Variants in SLC30A2 observed in about 807,000 individuals in gnomAD.
SLC30A2 encodes the protein solute carrier family 30 member 2.
Under a neutral mutation model 39.6 loss-of-function variants are expected in SLC30A2, and 19 were observed. The observed-to-expected ratio is 0.48, with a 90% CI of 0.34 to 0.70. The LOEUF (loss-of-function observed/expected upper bound fraction) is 0.70. Ranked by LOEUF, SLC30A2 falls within the 30% of genes least tolerant of loss-of-function variation. SLC30A2 has a pLI of 0.01. For missense variants in SLC30A2, 387 were observed against 479.4 expected, an observed-to-expected ratio of 0.81 and a Z score of 1.80; for synonymous variants, 195 against 194.8, an observed-to-expected ratio of 1.00 and a Z score of -0.01.
intron 2 of SLC30A2, among the ~76,000 whole-genome samples, chr1:26,044,791 T>C (rs2050440196): frequency 6.6e-6 from 1 of 152,272 alleles, no homozygotes; most frequent in South Asian, 2.1e-4. Context: ...CACCTGAACA[T>C]GCCTCAGTTT....
In SLC30A2 at chr1:26,045,988, C is replaced by T. The variant is rs576630477; in HGVS notation, c.-92G>A. 6.6e-4 allele frequency: 1,017 copies of T among 1,551,376 alleles called. 1 individual carries two copies. The highest frequency in any genetic ancestry group is 1.9e-3 in the Middle Eastern group (8 of 4,292). On this transcript the variant is annotated 5_prime_UTR_variant, in exon 1 of 8. In the 5' UTR this introduces an upstream ATG that the reference lacks. Coordinates refer to ENST00000374276, the MANE Select transcript of SLC30A2 (RefSeq NM_001004434.3). Reference sequence around the variant, plus strand: ...CGGGACTCCGGGTGGCGCTCACCCACCTGCCCCGAGGGCCCCGCGAGGTGC... The same window carrying T: ...CGGGACTCCGGGTGGCGCTCACCCATCTGCCCCGAGGGCCCCGCGAGGTGC...
At chr1:26,045,793 G>A in intron 1 of SLC30A2, 54 bp downstream of exon 1, 4 of 1,613,098 alleles carry the variant, frequency 2.5e-6, no homozygotes, top group Non-Finnish European at 3.4e-6. Flanking sequence ...GGCAAATGCG[G>A]AGGTGCGTCG....
intron 2 of SLC30A2, among the ~76,000 whole-genome samples, chr1:26,044,693 T>C (rs2050439135): frequency 1.3e-5 from 2 of 152,212 alleles, no homozygotes; most frequent in African/African-American, 2.4e-5. Context: ...CTGGAAAACA[T>C]AGCAGATACT....
chr1:26,039,444 C>G lies in SLC30A2; in HGVS notation c.974-139G>C. On this transcript the variant is annotated intron_variant, in intron 7 of 7. Coordinates refer to ENST00000374276, the MANE Select transcript of SLC30A2 (RefSeq NM_001004434.3). This position sits in a 1 kb window ranked among gnomAD's most constrained non-coding sequence, Gnocchi z 4.3. ...ATGGAGAAGCCCCCAGATTCCATTC[C>G]TCTGCCAGGTAGCCTCCCAGCCCAG... 1 of 706,472 alleles carries G rather than the reference C, an allele frequency of 1.4e-6. No homozygotes were observed. Among genetic ancestry groups the G allele is most frequent in the South Asian group, 2.0e-5 (1 of 51,178 alleles). 43.8% of individuals were successfully genotyped at this position (706,472 alleles called of 1,614,324 possible).
chr1:26,043,306 G>C, intron 4 of SLC30A2, 92 bp downstream of exon 4: 1 of 1,342,464 alleles, frequency 7.4e-7, no homozygotes. Context: ...ATGCTGGAAA[G>C]TGGCACAGTC....
In SLC30A2 at chr1:26,039,993, C is replaced by A; in HGVS notation, c.839-82G>T. On this transcript the variant is annotated intron_variant, in intron 6 of 7. Coordinates refer to ENST00000374276, the MANE Select transcript of SLC30A2 (RefSeq NM_001004434.3). This position sits in a 1 kb window ranked among gnomAD's most constrained non-coding sequence, Gnocchi z 4.3. ...ATTGGTGCAGGGCTGGCTCCTGATC[C>A]TCAGGTGTCATCCCCTCAAAGAAGA... is the stretch of plus-strand genomic sequence containing the variant. The A allele has an allele frequency of 1.3e-6, 2 of 1,516,682 alleles. No individual in the cohort carries two copies. Among genetic ancestry groups the A allele is most frequent in the Non-Finnish European group, 1.8e-6 (2 of 1,102,142 alleles). 94.0% of individuals were successfully genotyped at this position (1,516,682 alleles called of 1,614,324 possible).
At position 26,043,611 on chromosome 1, in the gene SLC30A2, C is replaced by A; in HGVS notation, c.419-60G>T. 2 of 1,544,504 alleles carry A rather than the reference C, an allele frequency of 1.3e-6. 1 individual carries two copies. The highest frequency in any genetic ancestry group is 2.4e-5 in the South Asian group (2 of 84,136). On this transcript the variant is annotated intron_variant, in intron 3 of 7. Coordinates refer to ENST00000374276, the MANE Select transcript of SLC30A2 (RefSeq NM_001004434.3). ...CATGGGCCTGGAGCTAAGGAGTCTTCCCCCTTCCTTCAGGATCCTCCCCAC... is the reference window on the plus strand; with the variant it reads ...CATGGGCCTGGAGCTAAGGAGTCTTACCCCTTCCTTCAGGATCCTCCCCAC...
Position 26,045,131 on chromosome 1 carries a change from G to A in SLC30A2, c.137C>T (p.Ala46Val). ...ATGGCAGTGATGGTTGCTCTGGGCA[G>A]CCAGCTCAATGGCCTGCAAGTCCAG... ...PGLDLQAIEL[A>V]AQSNHHCHAQ... Residue 46 changes from alanine to valine, a missense_variant, in exon 2 of 8, where the codon GCT (alanine) becomes GTT (valine). Ala to Val is a moderately conservative substitution (Grantham distance 64). Transcript: ENST00000374276. 6.2e-7 allele frequency: 1 copy of A among 1,614,028 alleles called. No homozygotes were observed. The highest frequency in any genetic ancestry group is 1.3e-5 in the African/African-American group (1 of 75,070).
At chr1:26,044,230 A>G in intron 3 of SLC30A2, 68 bp downstream of exon 3, 2 of 1,543,262 alleles carry the variant, frequency 1.3e-6, no homozygotes, top group South Asian at 2.3e-5. Flanking sequence ...CATTACAGCC[A>G]CCTAAGAACC....
At position 26,039,654 on chromosome 1, in the gene SLC30A2, G is replaced by A. The variant is rs564670826; in HGVS notation, c.973+123C>T. On this transcript the variant is annotated intron_variant, in intron 7 of 7. Transcript: ENST00000374276. The surrounding 1 kb of genome is among the most constrained non-coding windows in gnomAD (Gnocchi z 4.3). Reference sequence around the variant, plus strand: ...TGGAATAATGCGTATCAAGTACTCAGCATGAGGCTGGGCTTGATGCATGGG... The same window carrying A: ...TGGAATAATGCGTATCAAGTACTCAACATGAGGCTGGGCTTGATGCATGGG... 9.7e-6 allele frequency: 9 copies of A among 931,798 alleles called. No individual in the cohort carries two copies. The highest frequency in any genetic ancestry group is 1.7e-5 in the African/African-American group (1 of 60,288). 57.7% of individuals were successfully genotyped at this position (931,798 alleles called of 1,614,324 possible). A position where few individuals can be genotyped will look rare whatever the true frequency, so the allele number is the denominator to read the frequency against.
At position 26,045,078 on chromosome 1, in the gene SLC30A2, C is replaced by T. The variant is rs1289036407; in HGVS notation, c.190G>A (p.Asp64Asn). 1.9e-6 allele frequency: 3 copies of T among 1,614,076 alleles called. No homozygotes were observed. The highest frequency in any genetic ancestry group is 2.7e-5 in the African/African-American group (2 of 74,934). Reference protein sequence around the residue: ...HAQKGPDSHCDPKKGKAQRQL... With the variant: ...HAQKGPDSHCNPKKGKAQRQL... ...CGCTGGGCCTTCCCCTTCTTGGGGT[C>T]ACAGTGACTGTCAGGACCCTTCTGA... The change falls in exon 2 of 8, where the codon GAC becomes AAC. Residue 64 changes from aspartate to asparagine, a missense_variant. Transcript: ENST00000374276.
rs940352392 is a variant in SLC30A2 at position 26,045,997 on chromosome 1, A to T, written c.-101T>A. The T allele has an allele frequency of 1.3e-6, 2 of 1,512,166 alleles. No homozygotes were observed. The highest frequency in any genetic ancestry group is 2.8e-5 in the African/African-American group (2 of 70,606). 93.7% of individuals were successfully genotyped at this position (1,512,166 alleles called of 1,614,324 possible). A position where few individuals can be genotyped will look rare whatever the true frequency, so the allele number is the denominator to read the frequency against. ...GGGTGGCGCTCACCCACCTGCCCCG[A>T]GGGCCCCGCGAGGTGCGCTCACTCC... On this transcript the variant is annotated 5_prime_UTR_variant, in exon 1 of 8. Transcript: ENST00000374276.
intron 2 of SLC30A2, 71 bp downstream of exon 2, chr1:26,044,926 G>A (rs747329211): frequency 3.2e-6 from 4 of 1,246,798 alleles, no homozygotes; most frequent in Non-Finnish European, 4.7e-6. Flanking sequence ...GGGGCTTTTA[G>A]TGTCAGTATT....
In SLC30A2 at chr1:26,039,172, G is replaced by A. The variant is rs1386223828; in HGVS notation, c.1107C>T (p.Gly369=). Residue 369 remains glycine (G), a synonymous_variant, in exon 8 of 8, where the codon GGC becomes GGT. Coordinates refer to ENST00000374276, the MANE Select transcript of SLC30A2 (RefSeq NM_001004434.3). This position sits in a 1 kb window ranked among gnomAD's most constrained non-coding sequence, Gnocchi z 4.3. The part of the protein sequence containing the change: ...EDMKDCQACQ[G]PSD ...CCTGGCTGAGCAGTCAGTCTGAGGG[G>A]CCCTGGCATGCCTGACAGTCCTTCA... 1.9e-6 allele frequency: 3 copies of A among 1,613,794 alleles called. No individual in the cohort carries two copies. Among genetic ancestry groups the A allele is most frequent in the African/African-American group, 2.7e-5 (2 of 74,932 alleles).
intron 2 of SLC30A2, 141 bp from the exon 3 acceptor site, chr1:26,044,585 G>A (rs1315202876): frequency 1.3e-6 from 1 of 759,364 alleles, no homozygotes; most frequent in African/African-American, 1.8e-5. Context: ...ACCGTGACAA[G>A]TGACCTACTC....
Position 26,045,112 on chromosome 1 carries a change from G to A in SLC30A2, c.156C>T (p.His52=). ...TGTCAGGACCCTTCTGAGCATGGCA[G>A]TGATGGTTGCTCTGGGCAGCCAGCT... ...AIELAAQSNH[H]CHAQKGPDSH... The change falls in exon 2 of 8, where the codon CAC becomes CAT. Residue 52 remains histidine (H), a synonymous_variant. Coordinates refer to ENST00000374276, the MANE Select transcript of SLC30A2 (RefSeq NM_001004434.3). 6.2e-7 allele frequency: 1 copy of A among 1,614,154 alleles called. No homozygotes were observed. Among genetic ancestry groups the A allele is most frequent in the Non-Finnish European group, 8.5e-7 (1 of 1,180,022 alleles).
chr1:26,040,051 A>G, intron 6 of SLC30A2, 140 bp from the exon 7 acceptor site: 3 of 776,914 alleles, frequency 3.9e-6, no homozygotes, highest in Non-Finnish European at 6.3e-6. Flanking sequence ...GGCTGCCTTC[A>G]CCTCCCAAGG....
At chr1:26,044,502 G>T in intron 2 of SLC30A2, 58 bp from the exon 3 acceptor site, 4 of 1,539,626 alleles carry the variant, frequency 2.6e-6, no homozygotes, top group Non-Finnish European at 3.5e-6. Context: ...AAGACTGTGT[G>T]TGCAGCAGGG....
chr1:26,045,942 G>A lies in SLC30A2; in HGVS notation c.-46C>T. The stretch of plus-strand genomic sequence containing the variant: ...GGCAGCCGCGCAGCCGCCCCGCCGA[G>A]TGCGCCCTGAAAGTTGCGCGCGGGA... On this transcript the variant is annotated 5_prime_UTR_variant, in exon 1 of 8. Coordinates refer to ENST00000374276, the MANE Select transcript of SLC30A2 (RefSeq NM_001004434.3). 1 of 1,602,998 alleles carries A rather than the reference G, an allele frequency of 6.2e-7. No individual in the cohort carries two copies. The highest frequency in any genetic ancestry group is 8.5e-7 in the Non-Finnish European group (1 of 1,178,280).
Sources: gnomAD v4.1 joint callset for allele counts (sites outside exome capture counted in the v4.1 genomes callset) on GRCh38, gnomAD v4.1.1 for gene constraint, Gnocchi (gnomAD v3.1) non-coding constraint, MANE v1.5 for transcripts, NCBI Gene and HGNC (gene_info 2026-07-23, HGNC 2026-07-21) for gene names.